ERBB4: variants seen among roughly 807,000 people sequenced by gnomAD.
ERBB4 encodes the protein erb-b2 receptor tyrosine kinase 4.
ERBB4 carries 42 observed loss-of-function variants against 158.0 expected under a neutral mutation model. The observed-to-expected ratio is 0.27, with a 90% CI of 0.21 to 0.34. The LOEUF (loss-of-function observed/expected upper bound fraction) is 0.34. Ranked by LOEUF, ERBB4 falls within the 10% of genes least tolerant of loss-of-function variation. The pLI is 1.00. For synonymous variants in ERBB4, 583 were observed against 558.7 expected (o/e 1.04, Z -0.61); for missense variants, 1,333 against 1,624.1 (o/e 0.82, Z 3.08).
intron 3 of ERBB4, among the ~76,000 whole-genome samples, chr2:211,872,486 G>A (rs1428569287): frequency 1.3e-5 from 2 of 151,974 alleles, no homozygotes; most frequent in Non-Finnish European, 2.9e-5. Context: ...GATTTACTGA[G>A]TTATATCTAT....
chr2:211,854,925 G>A (rs1026606320), intron 3 of ERBB4, among the ~76,000 whole-genome samples: 4 of 152,020 alleles, frequency 2.6e-5, no homozygotes, highest in African/African-American at 9.7e-5. Flanking sequence ...ACCTTTAGCC[G>A]CTATTGCTAC....
chr2:211,472,909 T>C (rs1424661308), intron 20 of ERBB4, among the ~76,000 whole-genome samples: 1 of 150,710 alleles, frequency 6.6e-6, no homozygotes, highest in Admixed American at 6.6e-5. Context: ...ATATTATTTA[T>C]TATTTATAAT....
At chr2:212,241,906 A>T (rs1211396189) in intron 1 of ERBB4, among the ~76,000 whole-genome samples, 2 of 152,080 alleles carry the variant, frequency 1.3e-5, no homozygotes, top group African/African-American at 2.4e-5. Context: ...AATTTATTAT[A>T]TAAGTAATAA....
rs200620899 is a variant in ERBB4 at position 211,885,618 on chromosome 2, C to T, written c.421+61812G>A. Among the ~76,000 whole-genome samples the T allele has an allele frequency of 2.6e-5, 4 of 152,032 alleles. 1 individual carries two copies. In the East Asian group the frequency reaches 7.7e-4, roughly 29 times the overall value. On this transcript the variant is annotated intron_variant, in intron 3 of 27. Coordinates refer to ENST00000342788, the MANE Select transcript of ERBB4 (RefSeq NM_005235.3). ...TTAGAGTCACCCACTACCACCACAA[C>T]CAGCTAATTTTCTGTACTTTTAGTA...
chr2:211,837,230 C>T (rs2077361801), intron 3 of ERBB4, among the ~76,000 whole-genome samples: 1 of 152,016 alleles, frequency 6.6e-6, no homozygotes, highest in African/African-American at 2.4e-5. Flanking sequence ...CTGTTCGATT[C>T]ACAGCTAAAC....
intron 3 of ERBB4, among the ~76,000 whole-genome samples, chr2:211,877,338 C>A (rs2078531178): frequency 6.7e-6 from 1 of 149,936 alleles, no homozygotes; most frequent in Non-Finnish European, 1.5e-5. Context: ...GAACTCACTA[C>A]CTCCAGATTA....
chr2:211,592,737 C>G lies in ERBB4; in HGVS notation c.2301+26440G>C, dbSNP rs985609799. 4.6e-5 allele frequency among the ~76,000 whole-genome samples: 7 copies of G among 152,066 alleles called. 1 individual carries two copies. The highest frequency in any genetic ancestry group is 1.7e-4 in the African/African-American group (7 of 41,436). The stretch of plus-strand genomic sequence containing the variant: ...AAATAGTATAAAAGGGCCAGCTGGG[C>G]ATGGTGGCTGACGCCTGTAATCCCA... On this transcript the variant is annotated intron_variant, in intron 19 of 27. Transcript: ENST00000342788.
intron 1 of ERBB4, among the ~76,000 whole-genome samples, chr2:212,278,216 A>T (rs1224958367): frequency 6.6e-6 from 1 of 151,826 alleles, no homozygotes; most frequent in African/African-American, 2.4e-5. Context: ...ATGTACACAT[A>T]AAATATTGGT....
In ERBB4 at chr2:211,824,111, C is replaced by G. The variant is rs543145357; in HGVS notation, c.422-35952G>C. Among the ~76,000 whole-genome samples, 7 of 152,078 alleles carry G rather than the reference C, an allele frequency of 4.6e-5. No individual in the cohort carries two copies. In the East Asian group the frequency reaches 7.8e-4, roughly 17 times the overall value. Reference sequence around the variant, plus strand: ...ATGGCAAGTGCTTTCCCATTGCCCTCTAGCTGCCAGTAACTCTCCACTGAA... The same window carrying G: ...ATGGCAAGTGCTTTCCCATTGCCCTGTAGCTGCCAGTAACTCTCCACTGAA... On this transcript the variant is annotated intron_variant, in intron 3 of 27. Transcript: ENST00000342788.
chr2:212,064,324 G>T (rs1377708128), intron 2 of ERBB4, among the ~76,000 whole-genome samples: 3 of 152,100 alleles, frequency 2.0e-5, no homozygotes, highest in Non-Finnish European at 4.4e-5. Flanking sequence ...TAAATACATG[G>T]ATGCCATGCT....
Position 211,576,692 on chromosome 2 carries a change from A to T in ERBB4, c.2302-14604T>A, listed in dbSNP as rs573691961. ...CCTACTCTTAAATAGCCAATATCCT[A>T]GGATAAGTCTTTAAAATTTAGTATA... On this transcript the variant is annotated intron_variant, in intron 19 of 27. Transcript: ENST00000342788. Among the ~76,000 whole-genome samples, 7 of 152,268 alleles carry T rather than the reference A, an allele frequency of 4.6e-5. No individual in the cohort carries two copies. The East Asian group carries it at 1.3e-3, about 29-fold the overall frequency.
chr2:211,567,966 T>C (rs2067601296), intron 19 of ERBB4, among the ~76,000 whole-genome samples: 1 of 152,088 alleles, frequency 6.6e-6, no homozygotes, highest in Non-Finnish European at 1.5e-5. Context: ...TTAAACTTAA[T>C]GTCCTCTGTT....
At chr2:211,861,514 T>G (rs1206021862) in intron 3 of ERBB4, among the ~76,000 whole-genome samples, 1 of 151,660 alleles carries the variant, frequency 6.6e-6, no homozygotes, top group Non-Finnish European at 1.5e-5. Context: ...AAAAACAATA[T>G]TGATGGAACC....
intron 1 of ERBB4, among the ~76,000 whole-genome samples, chr2:212,501,134 T>C (rs966037524): frequency 3.3e-5 from 5 of 152,166 alleles, no homozygotes; most frequent in African/African-American, 1.2e-4. Flanking sequence ...GCAGAGTCTT[T>C]AATTAGAGAG....
chr2:211,636,072 A>G (rs1242687731), intron 16 of ERBB4, among the ~76,000 whole-genome samples: 1 of 150,768 alleles, frequency 6.6e-6, no homozygotes, highest in African/African-American at 2.4e-5. Context: ...TTGCTTATCT[A>G]TGGGCACTAA....
At chr2:211,532,096 T>C (rs1319937752) in intron 20 of ERBB4, among the ~76,000 whole-genome samples, 2 of 151,870 alleles carry the variant, frequency 1.3e-5, no homozygotes, top group Non-Finnish European at 2.9e-5. Flanking sequence ...TTAAAACAAT[T>C]GAACTCAAGG....
chr2:212,345,945 A>C (rs1280988631), intron 1 of ERBB4, among the ~76,000 whole-genome samples: 2 of 152,196 alleles, frequency 1.3e-5, no homozygotes, highest in Admixed American at 6.5e-5. Context: ...AGATAAATAC[A>C]ATGTATATTT....
intron 1 of ERBB4, among the ~76,000 whole-genome samples, chr2:212,522,099 G>T (rs1052060873): frequency 6.6e-6 from 1 of 151,776 alleles, no homozygotes; most frequent in Admixed American, 6.6e-5. Context: ...TTCATTTATC[G>T]CCATATATAA....
chr2:212,487,995 G>A (rs1296405922), intron 1 of ERBB4, among the ~76,000 whole-genome samples: 1 of 152,062 alleles, frequency 6.6e-6, no homozygotes, highest in Non-Finnish European at 1.5e-5. Context: ...TCTCAGCCAA[G>A]TTCATTGGAA....
Sources: gnomAD v4.1 joint callset for allele counts (sites outside exome capture counted in the v4.1 genomes callset) on GRCh38, gnomAD v4.1.1 for gene constraint, MANE v1.5 for transcripts, NCBI Gene and HGNC (gene_info 2026-07-23, HGNC 2026-07-21) for gene names.